The following USH2A variants were observed in gnomAD, a reference collection of about 807,000 sequenced individuals.
USH2A encodes usherin.
A neutral mutation model predicts 538.9 loss-of-function variants in USH2A; 443 were observed. The observed-to-expected ratio is 0.82, with a 90% CI of 0.76 to 0.89. The LOEUF is 0.89. Among genes scored for constraint, USH2A ranks in the 40% least tolerant of loss-of-function variants. The pLI is 0.00. For missense variants in USH2A, 6,633 were observed against 6,324.8 expected, an observed-to-expected ratio of 1.05 and a Z score of -1.65; for synonymous variants, 2,413 against 2,273.5, an observed-to-expected ratio of 1.06 and a Z score of -1.75.
intron 61 of USH2A, among the ~76,000 whole-genome samples, chr1:215,711,121 T>C (rs926369429): frequency 3.3e-5 from 5 of 152,196 alleles, no homozygotes; most frequent in African/African-American, 9.7e-5. Flanking sequence ...AATCTTTGAA[T>C]GCCCGCAAAA....
chr1:216,050,563 T>C (rs1015881424), intron 30 of USH2A, among the ~76,000 whole-genome samples: 5 of 33,166 alleles, frequency 1.5e-4, no homozygotes, highest in African/African-American at 4.3e-4. Context: ...TGTATCTTTT[T>C]CTTTCTTTCT....
At chr1:215,918,077 C>T (rs185783306) in intron 38 of USH2A, among the ~76,000 whole-genome samples, 49 of 152,038 alleles carry the variant, frequency 3.2e-4, no homozygotes, top group Admixed American at 3.0e-3. Flanking sequence ...CAATCAAATA[C>T]CAAGAAATTA....
At chr1:215,726,238 A>ATAT (rs1659813724) in intron 61 of USH2A, among the ~76,000 whole-genome samples, 1 of 152,202 alleles carries the variant, frequency 6.6e-6, no homozygotes, top group African/African-American at 2.4e-5. Context: ...CCTGGATCAC[A>ATAT]TATCCACTAA....
chr1:216,194,083 T>C (rs1416639381), intron 19 of USH2A: 1 of 152,168 alleles, frequency 6.6e-6, no homozygotes, highest in Non-Finnish European at 1.5e-5. Flanking sequence ...CCTCCTGTAC[T>C]CAGTCCTCTA....
chr1:216,295,511 A>T (rs1404527608), intron 9 of USH2A, among the ~76,000 whole-genome samples: 2 of 151,954 alleles, frequency 1.3e-5, no homozygotes, highest in Non-Finnish European at 2.9e-5. Flanking sequence ...TGATATCTGA[A>T]TGATCAGAAA....
chr1:215,875,599 G>T (rs1422493528), intron 43 of USH2A, among the ~76,000 whole-genome samples: 2 of 151,688 alleles, frequency 1.3e-5, no homozygotes, highest in Non-Finnish European at 2.9e-5. Flanking sequence ...TCATGGCCTT[G>T]GTCCTAATTA....
At chr1:216,301,611 T>A (rs971801830) in intron 9 of USH2A, among the ~76,000 whole-genome samples, 1 of 152,170 alleles carries the variant, frequency 6.6e-6, no homozygotes, top group Admixed American at 6.5e-5. Context: ...CCAAAAGATG[T>A]AGTTATTCCA....
chr1:215,970,166 A>C (rs1313573880), intron 36 of USH2A, among the ~76,000 whole-genome samples: 1 of 152,160 alleles, frequency 6.6e-6, no homozygotes, highest in Non-Finnish European at 1.5e-5. Context: ...ACATGAAACT[A>C]TTTTATCCTA....
intron 30 of USH2A, among the ~76,000 whole-genome samples, chr1:216,051,000 C>T (rs1050090076): frequency 6.6e-6 from 1 of 152,144 alleles, no homozygotes; most frequent in Non-Finnish European, 1.5e-5. Flanking sequence ...CAACTTCCTT[C>T]TGTGACATTG....
At chr1:216,072,660 G>A in intron 29 of USH2A, 6 of 565,332 alleles carry the variant, frequency 1.1e-5, no homozygotes, top group Non-Finnish European at 1.6e-5. Flanking sequence ...TGCATCCTAA[G>A]AGGAAAGGAT....
At chr1:215,796,579 C>T (rs985423567) in intron 50 of USH2A, among the ~76,000 whole-genome samples, 3 of 152,078 alleles carry the variant, frequency 2.0e-5, no homozygotes, top group Non-Finnish European at 2.9e-5. Flanking sequence ...ACAGACCAGC[C>T]GTTCCTTTAT....
At chr1:215,629,750 G>A (rs1252462300) in intron 70 of USH2A, among the ~76,000 whole-genome samples, 1 of 144,746 alleles carries the variant, frequency 6.9e-6, no homozygotes, top group Non-Finnish European at 1.5e-5. Flanking sequence ...TCAATGAAAT[G>A]TTTCTGCTTT....
At chr1:216,067,284 G>C (rs567838928) in intron 30 of USH2A, among the ~76,000 whole-genome samples, 1 of 152,188 alleles carries the variant, frequency 6.6e-6, no homozygotes, top group Admixed American at 6.5e-5. Context: ...GTGTGTAGGG[G>C]AGAGATAGCA....
chr1:216,105,412 T>C (rs2102580701), intron 21 of USH2A, among the ~76,000 whole-genome samples: 2 of 152,196 alleles, frequency 1.3e-5, no homozygotes, highest in Middle Eastern at 6.8e-3. Context: ...GAAAAGATTG[T>C]ACTCGCCCCA....
At chr1:215,941,687 G>C (rs1015809710) in intron 37 of USH2A, among the ~76,000 whole-genome samples, 2 of 152,100 alleles carry the variant, frequency 1.3e-5, no homozygotes, top group African/African-American at 2.4e-5. Flanking sequence ...ACTAGGATCA[G>C]ACAAGTAATT....
At chr1:215,788,231 C>G (rs766500501) in intron 51 of USH2A, among the ~76,000 whole-genome samples, 9 of 152,080 alleles carry the variant, frequency 5.9e-5, no homozygotes, top group Non-Finnish European at 1.3e-4. Context: ...ATGCAATGTG[C>G]TCAGTGATGT....
intron 9 of USH2A, among the ~76,000 whole-genome samples, chr1:216,315,316 G>A (rs1159763555): frequency 1.3e-5 from 2 of 152,062 alleles, no homozygotes; most frequent in African/African-American, 4.8e-5. Context: ...CTAAAAGTGG[G>A]GGTGAGGTGG....
intron 4 of USH2A, among the ~76,000 whole-genome samples, chr1:216,337,492 A>G (rs2037996118): frequency 1.3e-5 from 2 of 151,480 alleles, no homozygotes; most frequent in African/African-American, 4.8e-5. Flanking sequence ...CTTGAAAAAT[A>G]CATAATATAC....
intron 61 of USH2A, among the ~76,000 whole-genome samples, chr1:215,686,064 C>T (rs575996090): frequency 1.3e-5 from 2 of 152,248 alleles, no homozygotes; most frequent in South Asian, 2.1e-4. Context: ...TGCCAAAATG[C>T]TCAGTGCAAA....
Sources: gnomAD v4.1 joint callset for allele counts (sites outside exome capture counted in the v4.1 genomes callset) on GRCh38, gnomAD v4.1.1 for gene constraint, MANE v1.5 for transcripts, NCBI Gene and HGNC (gene_info 2026-07-23, HGNC 2026-07-21) for gene names.